Variants in QSOX2 observed in about 807,000 individuals in gnomAD.
QSOX2 encodes the protein sulfhydryl oxidase 2.
QSOX2 carries 46 observed loss-of-function variants against 61.7 expected under a neutral mutation model. The ratio of observed to expected loss-of-function variants is 0.75; its 90% CI spans 0.59 to 0.95. The LOEUF (loss-of-function observed/expected upper bound fraction) is 0.95. QSOX2 is among the 40% of genes least tolerant of loss of function. The pLI is 0.00. For missense variants in QSOX2, 879 were observed against 918.9 expected, an observed-to-expected ratio of 0.96 and a Z score of 0.56; for synonymous variants, 383 against 388.4, an observed-to-expected ratio of 0.99 and a Z score of 0.16.
At position 136,209,923 on chromosome 9, in the gene QSOX2, G is replaced by A. The variant is rs1433179210; in HGVS notation, c.1550-648C>T. On this transcript the variant is annotated intron_variant, in intron 11 of 11. Transcript: ENST00000358701. This position sits in a 1 kb window ranked among gnomAD's most constrained non-coding sequence, Gnocchi z 5.6. ...CAGGCATCCGTCATGCAGAAGCTGC[G>A]GCGCACGGCGCCTCCTAGCTCTCGG... is the stretch of plus-strand genomic sequence containing the variant. 7 of 985,256 alleles carry A rather than the reference G, an allele frequency of 7.1e-6. No individual in the cohort carries two copies. Among genetic ancestry groups the A allele is most frequent in the East Asian group, 2.3e-4 (2 of 8,768 alleles). 61.0% of individuals were successfully genotyped at this position (985,256 alleles called of 1,614,324 possible).
In QSOX2 at chr9:136,206,874, C is replaced by A. The variant is rs1588630000; in HGVS notation, c.*1854G>T. 6.6e-6 allele frequency: 1 copy of A among 152,508 alleles called. No individual in the cohort carries two copies. Among genetic ancestry groups the A allele is most frequent in the East Asian group, 1.9e-4 (1 of 5,330 alleles). 9.4% of individuals were successfully genotyped at this position (152,508 alleles called of 1,614,324 possible). A position where few individuals can be genotyped will look rare whatever the true frequency, so the allele number is the denominator to read the frequency against. The stretch of plus-strand genomic sequence containing the variant: ...CCCAGCTAAAGACATTCAACACCAG[C>A]CAAAAGGCTAAAGTTTAGTTTGAAG... On this transcript the variant is annotated 3_prime_UTR_variant, in exon 12 of 12. Coordinates refer to ENST00000358701, the MANE Select transcript of QSOX2 (RefSeq NM_181701.4).
rs1468819696 is a variant in QSOX2 at position 136,226,859 on chromosome 9, A to G, written c.344T>C (p.Ile115Thr). The G allele has an allele frequency of 1.2e-6, 2 of 1,614,132 alleles. No individual in the cohort carries two copies. Among genetic ancestry groups the G allele is most frequent in the Non-Finnish European group, 1.7e-6 (2 of 1,179,972 alleles). ...AGDVRDWASA[I>T]RVAALDCMEE... ...CATGCAGTCCAGAGCTGCGACGCGA[A>G]TGGCACTGGCCCAGTCTGAAAAGCA... The change falls in exon 2 of 12, where the codon ATT becomes ACT. Residue 115 changes from isoleucine to threonine, a missense_variant. Ile to Thr is a moderately conservative substitution (Grantham distance 89). Transcript: ENST00000358701.
chr9:136,221,820 T>A lies in QSOX2; in HGVS notation c.797A>T (p.Asn266Ile), dbSNP rs1830217075. The A allele has an allele frequency of 2.5e-6, 4 of 1,610,484 alleles. No homozygotes were observed. The highest frequency in any genetic ancestry group is 3.4e-6 in the Non-Finnish European group (4 of 1,178,470). Residue 266 changes from asparagine to isoleucine, a missense_variant, in exon 6 of 12, where the codon AAT becomes ATT. Transcript: ENST00000358701. The surrounding 1 kb of genome is among the most constrained non-coding windows in gnomAD (Gnocchi z 4.5). ...CACGTTAATCAATCCATGCGACCCA[T>A]TTGGGTAGATCAGGTAACACGAAGG... ...SVPSCYLIYP[N>I]GSHGLINVVK...
intron 1 of QSOX2, among the ~76,000 whole-genome samples, chr9:136,245,163 C>A (rs1040450535): frequency 6.6e-6 from 1 of 152,150 alleles, no homozygotes; most frequent in African/African-American, 2.4e-5. Context: ...TACGGGAGGG[C>A]TTCCCTATCC....
In QSOX2 at chr9:136,238,944, G is replaced by C. The variant is rs1830413179; in HGVS notation, c.328+6532C>G. ...GAGGCAGGAGGGTCCCTTGAGCCCA[G>C]GAGTTCAAAGCCAACCCGGACCACA... On this transcript the variant is annotated intron_variant, in intron 1 of 11. Transcript: ENST00000358701. 3.9e-5 allele frequency among the ~76,000 whole-genome samples: 6 copies of C among 152,172 alleles called. 1 individual carries two copies. In the South Asian group the frequency reaches 1.0e-3, roughly 26 times the overall value.
At chr9:136,229,183 C>T (rs1034499766) in intron 1 of QSOX2, among the ~76,000 whole-genome samples, 1 of 152,264 alleles carries the variant, frequency 6.6e-6, no homozygotes, top group Non-Finnish European at 1.5e-5. Context: ...TTTGAGGCCA[C>T]TTTCAGTGGA....
At chr9:136,235,481 G>A (rs927765221) in intron 1 of QSOX2, among the ~76,000 whole-genome samples, 4 of 152,244 alleles carry the variant, frequency 2.6e-5, no homozygotes, top group African/African-American at 7.2e-5. Context: ...ACCGTCATAC[G>A]GAAGACGAGG....
Position 136,208,472 on chromosome 9 carries a change from G to C in QSOX2, c.*256C>G, listed in dbSNP as rs1292647581. 2.2e-6 allele frequency: 1 copy of C among 461,602 alleles called. No individual in the cohort carries two copies. The highest frequency in any genetic ancestry group is 3.8e-6 in the Non-Finnish European group (1 of 261,678). 28.6% of individuals were successfully genotyped at this position (461,602 alleles called of 1,614,324 possible). ...GTAAAAATACAGAAGTCTTTTTGCT[G>C]TAAGACCTGCAAAAGGAGCATGAAC... On this transcript the variant is annotated 3_prime_UTR_variant, in exon 12 of 12. Transcript: ENST00000358701.
intron 2 of QSOX2, 42 bp from the exon 3 acceptor site, chr9:136,224,951 T>G: frequency 6.7e-7 from 1 of 1,491,146 alleles, no homozygotes; most frequent in Non-Finnish European, 9.2e-7. Flanking sequence ...CAGCCTTCCA[T>G]GGGCATCTGC....
chr9:136,242,502 T>C (rs1039775403), intron 1 of QSOX2, among the ~76,000 whole-genome samples: 2 of 152,240 alleles, frequency 1.3e-5, no homozygotes, highest in South Asian at 2.1e-4. Context: ...TCACAGGTGA[T>C]TGATCAGGGC....
chr9:136,235,041 T>C (rs984531060), intron 1 of QSOX2, among the ~76,000 whole-genome samples: 30 of 152,322 alleles, frequency 2.0e-4, no homozygotes, highest in African/African-American at 7.0e-4. Flanking sequence ...TGGCCCATGC[T>C]CAGCAGACCC....
intron 10 of QSOX2, among the ~76,000 whole-genome samples, chr9:136,212,378 G>A (rs548854235): frequency 7.4e-4 from 112 of 152,342 alleles, no homozygotes; most frequent in African/African-American, 2.4e-3. Flanking sequence ...CGTCTTCATC[G>A]ACAGCAGGCC....
intron 2 of QSOX2, among the ~76,000 whole-genome samples, chr9:136,226,369 CGTGT>C (rs746950672): frequency 6.6e-6 from 1 of 152,108 alleles, no homozygotes; most frequent in Non-Finnish European, 1.5e-5. Flanking sequence ...CCTGTGTGTG[CGTGT>C]GTGTGTGCAT....
At chr9:136,211,114 C>T (rs1226412989) in intron 11 of QSOX2, 150 bp downstream of exon 11, 4 of 891,246 alleles carry the variant, frequency 4.5e-6, no homozygotes, top group African/African-American at 3.4e-5. Context: ...AGCTCTCAGC[C>T]ACCCAAGTCC....
At position 136,221,269 on chromosome 9, in the gene QSOX2, G is replaced by C. The variant is rs1247236038; in HGVS notation, c.821+527C>G. 6.6e-6 allele frequency among the ~76,000 whole-genome samples: 1 copy of C among 151,946 alleles called. No homozygotes were observed. Among genetic ancestry groups the C allele is most frequent in the East Asian group, 1.9e-4 (1 of 5,162 alleles). Reference sequence around the variant, plus strand: ...GGGCGAAGGGCTTATCCTCATGAGGGGCACACGGGCACCCCACGCAGAGGC... The same window carrying C: ...GGGCGAAGGGCTTATCCTCATGAGGCGCACACGGGCACCCCACGCAGAGGC... On this transcript the variant is annotated intron_variant, in intron 6 of 11. Coordinates refer to ENST00000358701, the MANE Select transcript of QSOX2 (RefSeq NM_181701.4). The surrounding 1 kb of genome is among the most constrained non-coding windows in gnomAD (Gnocchi z 4.5).
chr9:136,209,550 A>G lies in QSOX2; in HGVS notation c.1550-275T>C, dbSNP rs1481963310. 1.0e-6 allele frequency: 1 copy of G among 985,176 alleles called. No individual in the cohort carries two copies. The highest frequency in any genetic ancestry group is 1.2e-6 in the Non-Finnish European group (1 of 829,888). The allele number at this position is 985,176 out of a possible 1,614,324, so 61.0% of individuals were successfully genotyped here. On this transcript the variant is annotated intron_variant, in intron 11 of 11. Transcript: ENST00000358701. The surrounding 1 kb of genome is among the most constrained non-coding windows in gnomAD (Gnocchi z 5.6). ...AGACGCTACACGCTCGGCCTCCGCC[A>G]CTTCCCAGACCACACCTGTCCCAAA... is the stretch of plus-strand genomic sequence containing the variant.
rs1830265517 is a variant in QSOX2 at position 136,224,919 on chromosome 9, A to G, written c.430-10T>C. 1.2e-6 allele frequency: 2 copies of G among 1,600,662 alleles called. No individual in the cohort carries two copies. The highest frequency in any genetic ancestry group is 2.2e-5 in the South Asian group (2 of 89,014). The stretch of plus-strand genomic sequence containing the variant: ...TAAATGCTTTAAAATACTAAGAGGA[A>G]AAACACAGAACAAGTAAGAGGCAGC... On this transcript the variant is annotated splice_polypyrimidine_tract_variant and intron_variant, in intron 2 of 11. Coordinates refer to ENST00000358701, the MANE Select transcript of QSOX2 (RefSeq NM_181701.4).
In QSOX2 at chr9:136,211,423, G is replaced by A; in HGVS notation, c.1390C>T (p.Gln464Ter). The change falls in exon 11 of 12, where the codon CAG (glutamine) becomes TAG (stop). Residue 464 changes from glutamine (Q) to a stop codon, truncating the protein, a stop_gained. Coordinates refer to ENST00000358701, the MANE Select transcript of QSOX2 (RefSeq NM_181701.4). LOFTEE classifies it high-confidence loss of function. ...GFEDDPQAVLQTMRRYVHTFF... is the reference protein window; with the variant it reads ...GFEDDPQAVL ...GTGTGAACGTACCTCCTCATTGTCT[G>A]CAGCACAGCCTGGGGGTCGTCTTCA... The A allele has an allele frequency of 6.2e-7, 1 of 1,614,100 alleles. No homozygotes were observed. Among genetic ancestry groups the A allele is most frequent in the Non-Finnish European group, 8.5e-7 (1 of 1,180,008 alleles).
At chr9:136,236,604 C>T (rs1476099254) in intron 1 of QSOX2, among the ~76,000 whole-genome samples, 6 of 152,250 alleles carry the variant, frequency 3.9e-5, no homozygotes. Flanking sequence ...GTGCACTCCA[C>T]CTTGACACCT....
Sources: gnomAD v4.1 joint callset for allele counts (sites outside exome capture counted in the v4.1 genomes callset) on GRCh38, gnomAD v4.1.1 for gene constraint, Gnocchi (gnomAD v3.1) non-coding constraint, MANE v1.5 for transcripts, NCBI Gene and HGNC (gene_info 2026-07-23, HGNC 2026-07-21) for gene names.